The following BMP2K variants were observed in gnomAD, a reference collection of about 807,000 sequenced individuals.
BMP2K encodes BMP2 inducible kinase.
Under a neutral mutation model 116.0 loss-of-function variants are expected in BMP2K, and 74 were observed. That is an observed-to-expected ratio of 0.64 (90% CI 0.53 to 0.77). BMP2K has a LOEUF of 0.77. Ranked by LOEUF, BMP2K falls within the 30% of genes least tolerant of loss-of-function variation. BMP2K has a pLI of 0.00. For synonymous variants in BMP2K, 486 were observed against 502.5 expected (o/e 0.97, Z 0.44); for missense variants, 1,365 against 1,403.6 (o/e 0.97, Z 0.44).
chr4:78,888,689 G>A (rs1042864451), intron 15 of BMP2K, among the ~76,000 whole-genome samples: 21 of 152,192 alleles, frequency 1.4e-4, no homozygotes, highest in Admixed American at 1.2e-3. Context: ...TTTGTACTTC[G>A]CAACATGTTC....
intron 4 of BMP2K, 73 bp from the exon 5 acceptor site, chr4:78,844,854 AT>A: frequency 7.3e-7 from 1 of 1,369,306 alleles, no homozygotes; most frequent in Non-Finnish European, 1.0e-6. Context: ...ACAAATAACC[AT>A]TTTTTACAAA....
intron 6 of BMP2K, among the ~76,000 whole-genome samples, 197 bp from the exon 7 acceptor site, chr4:78,850,727 G>A (rs1027059360): frequency 6.6e-6 from 1 of 151,834 alleles, no homozygotes; most frequent in Non-Finnish European, 1.5e-5. Context: ...AGCCACAGAT[G>A]TGATAGAAGA....
intron 14 of BMP2K, among the ~76,000 whole-genome samples, chr4:78,880,175 C>T (rs763608397): frequency 1.6e-4 from 24 of 152,196 alleles, no homozygotes; most frequent in Non-Finnish European, 3.4e-4. Flanking sequence ...TGGGTTCAAG[C>T]AATTCTCCTG....
chr4:78,819,285 T>C (rs1729505536), intron 1 of BMP2K, among the ~76,000 whole-genome samples: 1 of 151,982 alleles, frequency 6.6e-6, no homozygotes, highest in South Asian at 2.1e-4. Context: ...ACAGGTGTGA[T>C]CTTAGGCGAT....
At chr4:78,899,331 T>C (rs1250360782) in intron 15 of BMP2K, among the ~76,000 whole-genome samples, 1 of 152,138 alleles carries the variant, frequency 6.6e-6, no homozygotes, top group African/African-American at 2.4e-5. Context: ...GTGAAGTTCT[T>C]TTCTGGAAAG....
chr4:78,863,052 AATG>A (rs1423714414), intron 9 of BMP2K, among the ~76,000 whole-genome samples: 3 of 152,100 alleles, frequency 2.0e-5, no homozygotes, highest in African/African-American at 4.8e-5. Context: ...GCTGAACAAG[AATG>A]ATGATTTGAT....
At chr4:78,831,963 A>G (rs971528792) in intron 2 of BMP2K, among the ~76,000 whole-genome samples, 1 of 152,072 alleles carries the variant, frequency 6.6e-6, no homozygotes, top group African/African-American at 2.4e-5. Context: ...GTGCATATAT[A>G]TATTTGAAGA....
At chr4:78,861,538 A>G in intron 9 of BMP2K, 70 bp downstream of exon 9, 2 of 1,225,406 alleles carry the variant, frequency 1.6e-6, no homozygotes, top group Non-Finnish European at 2.3e-6. Flanking sequence ...AATCCTAGCA[A>G]GTGTAATTGA....
intron 14 of BMP2K, among the ~76,000 whole-genome samples, chr4:78,885,310 T>C (rs1010613599): frequency 6.6e-6 from 1 of 152,206 alleles, no homozygotes; most frequent in Non-Finnish European, 1.5e-5. Flanking sequence ...GGAGTAATTA[T>C]ATTTAGAATA....
Position 78,826,118 on chromosome 4 carries a change from C to T in BMP2K, c.260C>T (p.Pro87Leu), listed in dbSNP as rs749409910. The T allele has an allele frequency of 3.7e-6, 6 of 1,613,808 alleles. No individual in the cohort carries two copies. The South Asian group carries it at 6.6e-5, about 18-fold the overall frequency. ...ALKRMYVNNMPDLNVCKREIT... is the reference protein window; with the variant it reads ...ALKRMYVNNMLDLNVCKREIT... ...AAGCGAATGTATGTCAATAACATGC[C>T]AGACCTCAATGTTTGTAAAAGGGAA... The change falls in exon 2 of 16, where the codon CCA becomes CTA. Residue 87 changes from proline to leucine, a missense_variant. Pro to Leu is a moderately conservative substitution (Grantham distance 98). Coordinates refer to ENST00000502613, the MANE Select transcript of BMP2K (RefSeq NM_198892.2).
chr4:78,807,183 G>C (rs1423756163), intron 1 of BMP2K, among the ~76,000 whole-genome samples: 1 of 151,972 alleles, frequency 6.6e-6, no homozygotes, highest in East Asian at 1.9e-4. Flanking sequence ...TTTTTTCCCT[G>C]CATTTATTGA....
intron 15 of BMP2K, among the ~76,000 whole-genome samples, chr4:78,901,229 TA>T (rs763663278): frequency 1.9e-3 from 271 of 146,092 alleles, no homozygotes; most frequent in African/African-American, 6.7e-3. Context: ...TTTATTTTAT[TA>T]TTTTTTTTTT....
intron 2 of BMP2K, among the ~76,000 whole-genome samples, chr4:78,829,787 T>TTTCTTTTCTCTTTTCTCTTTTCTC (rs71216237): frequency 1.2e-5 from 1 of 86,594 alleles, no homozygotes; most frequent in Non-Finnish European, 2.3e-5. Context: ...TTTCTTTTCT[T>TTTCTTTTCTCTTTTCTCTTTTCTC]TTCTCTTCTC....
intron 15 of BMP2K, among the ~76,000 whole-genome samples, chr4:78,890,629 A>T (rs577816249): frequency 6.6e-6 from 1 of 152,140 alleles, no homozygotes; most frequent in African/African-American, 2.4e-5. Flanking sequence ...TTAGTTTTTT[A>T]TGTACCCTAT....
intron 5 of BMP2K, among the ~76,000 whole-genome samples, chr4:78,845,514 T>C (rs1318259711): frequency 1.3e-5 from 2 of 151,668 alleles, no homozygotes; most frequent in African/African-American, 4.8e-5. Context: ...TCACTGTTAC[T>C]TTGTAATGTT....
At chr4:78,884,289 T>C (rs1732981830) in intron 14 of BMP2K, among the ~76,000 whole-genome samples, 1 of 152,170 alleles carries the variant, frequency 6.6e-6, no homozygotes. Flanking sequence ...ATCATGCCAC[T>C]GCGCTCTAGG....
rs115873435 is a variant in BMP2K at position 78,811,789 on chromosome 4, C to T, written c.179-14248C>T. On this transcript the variant is annotated intron_variant, in intron 1 of 15. Coordinates refer to ENST00000502613, the MANE Select transcript of BMP2K (RefSeq NM_198892.2). Reference sequence around the variant, plus strand: ...TTTCTCTCGGCCAATTTATAAAATACACAGCTTAATTTGTTGACCCATCAT... The same window carrying T: ...TTTCTCTCGGCCAATTTATAAAATATACAGCTTAATTTGTTGACCCATCAT... 7.7e-3 allele frequency among the ~76,000 whole-genome samples: 1,171 copies of T among 152,188 alleles called. 16 individuals are homozygous for T. Among genetic ancestry groups the T allele is most frequent in the African/African-American group, 0.027 (1,108 of 41,506 alleles).
chr4:78,873,631 A>T (rs1355825853), intron 13 of BMP2K, among the ~76,000 whole-genome samples: 1 of 151,160 alleles, frequency 6.6e-6, no homozygotes, highest in Non-Finnish European at 1.5e-5. Flanking sequence ...TAAAGTATGC[A>T]GTTTGCTATA....
rs113942301 is a variant in BMP2K, at chr4:78,870,651, A to G, written c.1232-132A>G. Reference sequence around the variant, plus strand: ...GTAAATCCCTATAAACTCTATGCATATGGAAGTTTTTGTGTTATAAATAAG... The same window carrying G: ...GTAAATCCCTATAAACTCTATGCATGTGGAAGTTTTTGTGTTATAAATAAG... On this transcript the variant is annotated intron_variant, in intron 10 of 15. Coordinates refer to ENST00000502613, the MANE Select transcript of BMP2K (RefSeq NM_198892.2). 1.2e-5 allele frequency: 15 copies of G among 1,222,468 alleles called. 1 individual carries two copies. In the East Asian group the frequency reaches 1.3e-4, roughly 10 times the overall value. The allele number at this position is 1,222,468 out of a possible 1,614,324, so 75.7% of individuals were successfully genotyped here.
Sources: allele counts gnomAD v4.1 joint callset (sites outside exome capture counted in the v4.1 genomes callset), GRCh38; gene constraint gnomAD v4.1.1; transcripts MANE v1.5; gene names NCBI Gene and HGNC (gene_info 2026-07-23, HGNC 2026-07-21).